Variants in PRAG1 observed in about 807,000 individuals in gnomAD.
PRAG1 encodes inactive tyrosine-protein kinase PRAG1.
PRAG1 carries 110 observed loss-of-function variants against 95.6 expected under a neutral mutation model. The observed-to-expected ratio is 1.15, with a 90% CI of 0.99 to 1.35. PRAG1 has a LOEUF of 1.35. Ranked by LOEUF, PRAG1 falls within the 40% of genes most tolerant of loss-of-function variation. The probability of loss-of-function intolerance (pLI) is 0.00; values close to 1 mark genes in which losing one functional copy is unlikely to be tolerated. For synonymous variants in PRAG1, 1,052 were observed against 819.4 expected (o/e 1.28, Z -4.85); for missense variants, 2,554 against 1,864.7 (o/e 1.37, Z -6.81).
Position 8,326,581 on chromosome 8 carries a change from A to AT in PRAG1, c.3072+1128dup, listed in dbSNP as rs1798644207. Among the ~76,000 whole-genome samples, 4 of 152,322 alleles carry AT rather than the reference A, an allele frequency of 2.6e-5. No homozygotes were observed. In the South Asian group the frequency reaches 8.3e-4, roughly 32 times the overall value. On this transcript the variant is annotated intron_variant, in intron 5 of 5. Coordinates refer to ENST00000615670, the MANE Select transcript of PRAG1 (RefSeq NM_001080826.3). Reference sequence around the variant, plus strand: ...CATGGTAGAGACTCCAGTGGCCCAAATGGGTGCAGATGGCTCAACTAGCTC... The same window carrying AT: ...CATGGTAGAGACTCCAGTGGCCCAAATTGGGTGCAGATGGCTCAACTAGCTC...
At chr8:8,345,171 T>G (rs1171229202) in intron 3 of PRAG1, among the ~76,000 whole-genome samples, 4 of 151,582 alleles carry the variant, frequency 2.6e-5, no homozygotes, top group Non-Finnish European at 5.9e-5. Context: ...TCATGGCTTT[T>G]GGGATCTAAC....
chr8:8,374,712 C>T (rs1469828340), intron 3 of PRAG1: 1 of 985,252 alleles, frequency 1.0e-6, no homozygotes, highest in Non-Finnish European at 1.2e-6. Flanking sequence ...TCTGCAATCA[C>T]CTCAGGATCT....
At chr8:8,373,879 C>T (rs771907384) in intron 3 of PRAG1, among the ~76,000 whole-genome samples, 12 of 152,084 alleles carry the variant, frequency 7.9e-5, no homozygotes, top group African/African-American at 2.2e-4. Flanking sequence ...CAAACTGGGC[C>T]GAAAAAACTC....
intron 3 of PRAG1, among the ~76,000 whole-genome samples, chr8:8,348,868 G>C (rs776167003): frequency 6.6e-6 from 1 of 152,208 alleles, no homozygotes; most frequent in African/African-American, 2.4e-5. Flanking sequence ...GGTTTGAGGA[G>C]CTGTGTCACA....
At chr8:8,350,916 ATGG>A (rs1799499130) in intron 3 of PRAG1, among the ~76,000 whole-genome samples, 6 of 151,946 alleles carry the variant, frequency 3.9e-5, no homozygotes, top group African/African-American at 1.4e-4. Flanking sequence ...GGATGGATGG[ATGG>A]ATGGATGGAT....
At chr8:8,353,048 TA>T (rs1249379807) in intron 3 of PRAG1, among the ~76,000 whole-genome samples, 1 of 152,144 alleles carries the variant, frequency 6.6e-6, no homozygotes, top group Non-Finnish European at 1.5e-5. Context: ...GTACAAACAT[TA>T]AAGTATCTAA....
At chr8:8,333,407 A>G (rs1798884200) in intron 4 of PRAG1, among the ~76,000 whole-genome samples, 1 of 152,214 alleles carries the variant, frequency 6.6e-6, no homozygotes, top group South Asian at 2.1e-4. Flanking sequence ...GAAGCTACAT[A>G]TCACGTATGC....
At chr8:8,336,062 A>G (rs1211562783) in intron 4 of PRAG1, among the ~76,000 whole-genome samples, 1 of 152,208 alleles carries the variant, frequency 6.6e-6, no homozygotes, top group Non-Finnish European at 1.5e-5. Context: ...TAAGAATGGT[A>G]TCACTGCCCT....
intron 3 of PRAG1, among the ~76,000 whole-genome samples, chr8:8,349,568 C>T (rs1380748184): frequency 1.3e-5 from 2 of 152,110 alleles, no homozygotes; most frequent in South Asian, 2.1e-4. Flanking sequence ...AGGCCTGAGC[C>T]ACCGCGCCCG....
In PRAG1 at chr8:8,377,192, G is replaced by T. The variant is rs2976962; in HGVS notation, c.1217C>A (p.Ala406Asp). Residue 406 changes from alanine (A) to aspartate (D), a missense_variant, in exon 3 of 6, where the codon GCT (alanine) becomes GAT (aspartate). Ala to Asp is a moderately radical substitution (Grantham distance 126). Coordinates refer to ENST00000615670, the MANE Select transcript of PRAG1 (RefSeq NM_001080826.3). ...AGCATAGATGGGTTCAGGCTGTGTAGCCTCCCGGGGGTGGGCCGGGGGCTG... is the reference window on the plus strand; with the variant it reads ...AGCATAGATGGGTTCAGGCTGTGTATCCTCCCGGGGGTGGGCCGGGGGCTG... ...EPQPPAHPRE[A>D]TQPEPIYAES... The T allele has an allele frequency of 6.2e-7, 1 of 1,611,796 alleles. No individual in the cohort carries two copies. Among genetic ancestry groups the T allele is most frequent in the East Asian group, 2.2e-5 (1 of 44,846 alleles).
rs183385060 is a variant in PRAG1 at position 8,324,943 on chromosome 8, A to C, written c.3072+2767T>G. Among the ~76,000 whole-genome samples the C allele has an allele frequency of 2.3e-3, 353 of 152,288 alleles. 1 individual carries two copies. Among genetic ancestry groups the C allele is most frequent in the African/African-American group, 8.0e-3 (331 of 41,556 alleles). On this transcript the variant is annotated intron_variant, in intron 5 of 5. Coordinates refer to ENST00000615670, the MANE Select transcript of PRAG1 (RefSeq NM_001080826.3). Reference sequence around the variant, plus strand: ...ATCTCCTCACTGCTGCAGGGCGCTGAGCCCAAAGTAGTAGGTTCCAGCATC... The same window carrying C: ...ATCTCCTCACTGCTGCAGGGCGCTGCGCCCAAAGTAGTAGGTTCCAGCATC...
intron 3 of PRAG1, among the ~76,000 whole-genome samples, chr8:8,348,284 G>A (rs1799411972): frequency 6.6e-6 from 1 of 152,110 alleles, no homozygotes; most frequent in Non-Finnish European, 1.5e-5. Flanking sequence ...TTGTAAAATG[G>A]ACGATCCTGA....
intron 3 of PRAG1, among the ~76,000 whole-genome samples, chr8:8,355,119 C>CA (rs145232850): frequency 9.2e-4 from 100 of 108,246 alleles, no homozygotes; most frequent in African/African-American, 3.1e-3. Flanking sequence ...TTTCCACATA[C>CA]AAAAAAACAA....
intron 5 of PRAG1, among the ~76,000 whole-genome samples, chr8:8,325,006 G>C (rs1429698821): frequency 6.6e-6 from 1 of 152,160 alleles, no homozygotes; most frequent in Non-Finnish European, 1.5e-5. Flanking sequence ...TGTTAACTAG[G>C]ACTCCGCGAC....
chr8:8,331,034 T>C (rs1798803418), intron 4 of PRAG1, among the ~76,000 whole-genome samples: 8 of 152,154 alleles, frequency 5.3e-5, no homozygotes, highest in Admixed American at 5.2e-4. Context: ...CAGCGAGGCG[T>C]CTGATTCTCA....
Position 8,328,476 on chromosome 8 carries a change from C to T in PRAG1, c.2321-15G>A, listed in dbSNP as rs372709302. On this transcript the variant is annotated splice_polypyrimidine_tract_variant and intron_variant, in intron 4 of 5. Transcript: ENST00000615670. ...AGACGAGGGACCTGAAGAGGAGAGACAGAAACCATAAGACCAAGGCCAGTG... is the reference window on the plus strand; with the variant it reads ...AGACGAGGGACCTGAAGAGGAGAGATAGAAACCATAAGACCAAGGCCAGTG... The T allele has an allele frequency of 7.4e-6, 12 of 1,612,316 alleles. No homozygotes were observed. In the African/African-American group the frequency reaches 1.6e-4, roughly 22 times the overall value.
chr8:8,357,915 G>C (rs1158041008), intron 3 of PRAG1, among the ~76,000 whole-genome samples: 1 of 152,154 alleles, frequency 6.6e-6, no homozygotes, highest in East Asian at 1.9e-4. Context: ...CTTGTTAGTT[G>C]TCCACCCCAA....
rs1261788666 is a variant in PRAG1, at chr8:8,381,626, T to A, written c.122A>T (p.Gln41Leu). 1 of 1,613,692 alleles carries A rather than the reference T, an allele frequency of 6.2e-7. No homozygotes were observed. The highest frequency in any genetic ancestry group is 8.5e-7 in the Non-Finnish European group (1 of 1,179,808). The change falls in exon 2 of 6, where the codon CAG (glutamine) becomes CTG (leucine). Residue 41 changes from glutamine to leucine, a missense_variant. Coordinates refer to ENST00000615670, the MANE Select transcript of PRAG1 (RefSeq NM_001080826.3). ...KNCFCLRSDH[Q>L]LVAGPPQPRA... Reference sequence around the variant, plus strand: ...GGGCTGGGGAGGGCCGGCCACCAGCTGGTGGTCGCTCCGCAGGCAGAAGCA... The same window carrying A: ...GGGCTGGGGAGGGCCGGCCACCAGCAGGTGGTCGCTCCGCAGGCAGAAGCA...
At chr8:8,369,389 C>T (rs1424701485) in intron 3 of PRAG1, among the ~76,000 whole-genome samples, 1 of 152,180 alleles carries the variant, frequency 6.6e-6, no homozygotes, top group Non-Finnish European at 1.5e-5. Context: ...GTGTTAACAG[C>T]CAAAATGGAG....
Sources: gnomAD v4.1 joint callset for allele counts (sites outside exome capture counted in the v4.1 genomes callset) on GRCh38, gnomAD v4.1.1 for gene constraint, MANE v1.5 for transcripts, NCBI Gene and HGNC (gene_info 2026-07-23, HGNC 2026-07-21) for gene names.